The following SLC5A4 variants were observed in gnomAD, a reference collection of about 807,000 sequenced individuals.
SLC5A4 encodes the protein solute carrier family 5 member 4.
A neutral mutation model predicts 70.3 loss-of-function variants in SLC5A4; 55 were observed. That is an observed-to-expected ratio of 0.78 (90% CI 0.63 to 0.98). The LOEUF (loss-of-function observed/expected upper bound fraction) is 0.98, where lower values mean the gene tolerates loss of function less well. SLC5A4 is among the 50% of genes least tolerant of loss of function. SLC5A4 has a pLI of 0.00. For synonymous variants in SLC5A4, 268 were observed against 305.7 expected (o/e 0.88, Z 1.29); for missense variants, 735 against 839.2 (o/e 0.88, Z 1.53).
At chr22:32,277,684 A>T in the SLC5A4 span, among the ~76,000 whole-genome samples, 1 of 152,030 alleles carries the variant, frequency 6.6e-6, no homozygotes, top group East Asian at 1.9e-4. Context: ...AGTAGCTGGG[A>T]CTACAGGTGC....
At chr22:32,301,695 A>T in the SLC5A4 span, among the ~76,000 whole-genome samples, 1 of 152,174 alleles carries the variant, frequency 6.6e-6, no homozygotes, top group Non-Finnish European at 1.5e-5. Flanking sequence ...AATGCAAGAG[A>T]CCCATATTAG....
At chr22:32,344,574 T>C in the SLC5A4 span, among the ~76,000 whole-genome samples, 3 of 152,158 alleles carry the variant, frequency 2.0e-5, no homozygotes, top group Admixed American at 6.5e-5. Flanking sequence ...TGCAAAAATA[T>C]ATTAAAACTA....
At chr22:32,316,409 A>G in the SLC5A4 span, among the ~76,000 whole-genome samples, 2 of 152,234 alleles carry the variant, frequency 1.3e-5, no homozygotes, top group East Asian at 3.8e-4. Flanking sequence ...GTGAAGGATG[A>G]GAGTCACCAT....
the SLC5A4 span, among the ~76,000 whole-genome samples, chr22:32,345,375 G>A: frequency 7.0e-6 from 1 of 143,748 alleles, no homozygotes; most frequent in East Asian, 1.9e-4. Context: ...GTGAATGTTA[G>A]TCAGTGAATA....
chr22:32,304,886 TTTGAG>T, the SLC5A4 span, among the ~76,000 whole-genome samples: 21,484 of 152,038 alleles, frequency 0.14, 1,724 homozygotes, highest in East Asian at 0.33. Context: ...TATGATCCAT[TTTGAG>T]TTAATTTTGT....
the SLC5A4 span, among the ~76,000 whole-genome samples, chr22:32,353,369 G>T: frequency 6.6e-6 from 1 of 152,098 alleles, no homozygotes; most frequent in Non-Finnish European, 1.5e-5. Context: ...CTGCGTGCCC[G>T]GGGGTCCCAG....
the SLC5A4 span, among the ~76,000 whole-genome samples, chr22:32,335,983 T>C: frequency 6.6e-6 from 1 of 152,196 alleles, no homozygotes; most frequent in East Asian, 1.9e-4. Flanking sequence ...AAGCATCTAT[T>C]CTTGGAAGCA....
intron 13 of SLC5A4, among the ~76,000 whole-genome samples, chr22:32,223,600 C>G (rs1316332081): frequency 6.6e-6 from 1 of 152,088 alleles, no homozygotes; most frequent in Admixed American, 6.5e-5. Flanking sequence ...TATATGAAAT[C>G]CTATTGACCC....
In SLC5A4 at chr22:32,251,834, T is replaced by C; in HGVS notation, c.248A>G (p.His83Arg). The change falls in exon 3 of 15, where the codon CAC becomes CGC. Residue 83 changes from histidine (H) to arginine (R), a missense_variant. Coordinates refer to ENST00000266086, the MANE Select transcript of SLC5A4 (RefSeq NM_014227.3). ...TCCTGTCCCAGCCAGCCCCACATAG[T>C]GGTTGCTGCCGATGTTACTGGCAAA... The part of the protein sequence containing the change: ...SLFASNIGSN[H>R]YVGLAGTGAA... 1.2e-6 allele frequency: 2 copies of C among 1,613,948 alleles called. No homozygotes were observed. The highest frequency in any genetic ancestry group is 1.7e-6 in the Non-Finnish European group (2 of 1,179,894).
the SLC5A4 span, among the ~76,000 whole-genome samples, chr22:32,336,680 T>A: frequency 6.6e-6 from 1 of 152,234 alleles, no homozygotes; most frequent in Non-Finnish European, 1.5e-5. Context: ...CTGTGTTAGG[T>A]CTAGTTCATT....
intron 5 of SLC5A4, among the ~76,000 whole-genome samples, chr22:32,239,560 ATATATATAT>A (rs1569374907): frequency 0.012 from 273 of 22,414 alleles, 11 homozygotes; most frequent in Non-Finnish European, 0.016. Context: ...ATATATATAT[ATATATATAT>A]TTATATATAT....
At chr22:32,302,653 G>A in the SLC5A4 span, among the ~76,000 whole-genome samples, 1 of 152,098 alleles carries the variant, frequency 6.6e-6, no homozygotes, top group Non-Finnish European at 1.5e-5. Context: ...GTCTATTTAA[G>A]TTCTCTGTTC....
At chr22:32,245,287 CA>C (rs1280670967) in intron 5 of SLC5A4, among the ~76,000 whole-genome samples, 2 of 152,170 alleles carry the variant, frequency 1.3e-5, no homozygotes, top group Admixed American at 1.3e-4. Flanking sequence ...AACCTGCAGG[CA>C]AGAATGGACT....
chr22:32,337,011 G>A, the SLC5A4 span, among the ~76,000 whole-genome samples: 5 of 152,252 alleles, frequency 3.3e-5, no homozygotes, highest in Non-Finnish European at 7.3e-5. Flanking sequence ...AGGGCTGGAA[G>A]CTTTGCAAAG....
the SLC5A4 span, among the ~76,000 whole-genome samples, chr22:32,306,281 C>A: frequency 6.6e-6 from 1 of 151,072 alleles, no homozygotes; most frequent in Admixed American, 6.6e-5. Context: ...CTAGCTAACA[C>A]GGTGAAACCC....
chr22:32,335,691 G>T, the SLC5A4 span, among the ~76,000 whole-genome samples: 1 of 152,180 alleles, frequency 6.6e-6, no homozygotes, highest in Non-Finnish European at 1.5e-5. Context: ...CATTGTTCCT[G>T]CCTGCCCCCA....
At chr22:32,270,608 C>A in the SLC5A4 span, 3 of 737,094 alleles carry the variant, frequency 4.1e-6, no homozygotes, top group African/African-American at 1.7e-5. Flanking sequence ...GGCTTTGCCA[C>A]GCAGGGCCCC....
the SLC5A4 span, among the ~76,000 whole-genome samples, chr22:32,346,743 T>C: frequency 6.9e-6 from 1 of 145,556 alleles, no homozygotes; most frequent in Non-Finnish European, 1.5e-5. Context: ...CCTAAAACCA[T>C]AAAAACCCTA....
intron 5 of SLC5A4, among the ~76,000 whole-genome samples, chr22:32,244,765 A>G (rs1346748914): frequency 3.9e-5 from 6 of 152,142 alleles, no homozygotes; most frequent in African/African-American, 1.2e-4. Flanking sequence ...CCTGGCCTCC[A>G]GTGATCCTCC....
Sources: allele counts gnomAD v4.1 joint callset (sites outside exome capture counted in the v4.1 genomes callset), GRCh38; gene constraint gnomAD v4.1.1; transcripts MANE v1.5; gene names NCBI Gene and HGNC (gene_info 2026-07-23, HGNC 2026-07-21).